Variants in SLC43A2 observed in about 807,000 individuals in gnomAD.
SLC43A2 encodes large neutral amino acids transporter small subunit 4.
A neutral mutation model predicts 63.2 loss-of-function variants in SLC43A2; 38 were observed. That is an observed-to-expected ratio of 0.60 (90% CI 0.46 to 0.79). The LOEUF (loss-of-function observed/expected upper bound fraction) is 0.79. Ranked by LOEUF, SLC43A2 falls within the 30% of genes least tolerant of loss-of-function variation. The pLI is 0.00. For missense variants in SLC43A2, 644 were observed against 756.2 expected, an observed-to-expected ratio of 0.85 and a Z score of 1.74; for synonymous variants, 322 against 331.0, an observed-to-expected ratio of 0.97 and a Z score of 0.30.
chr17:1,600,923 C>T (rs1905942981), intron 5 of SLC43A2, among the ~76,000 whole-genome samples: 1 of 151,308 alleles, frequency 6.6e-6, no homozygotes, highest in African/African-American at 2.4e-5. Flanking sequence ...TCAATGTTGA[C>T]AACTAACATT....
intron 10 of SLC43A2, 106 bp downstream of exon 10, chr17:1,585,807 T>C (rs2076092573): frequency 6.2e-7 from 1 of 1,603,362 alleles, no homozygotes; most frequent in Non-Finnish European, 8.5e-7. Context: ...CTGGAGTGCA[T>C]TGCTCTCTCC....
In SLC43A2 at chr17:1,591,566, G is replaced by C; in HGVS notation, c.728C>G (p.Ser243Trp). ...GCGGGACGGGGGCACCTCTACTTAC[G>C]AGTAGTCCATGTCCTCCGGCCCCGG... ...PFPGPEDMDY[S>W]VKIKFSWLGF... Residue 243 changes from serine to tryptophan, a missense_variant and splice_region_variant, in exon 7 of 14, where the codon TCG (serine) becomes TGG (tryptophan). Coordinates refer to ENST00000301335, the MANE Select transcript of SLC43A2 (RefSeq NM_152346.3). 6.4e-7 allele frequency: 1 copy of C among 1,553,580 alleles called. No homozygotes were observed. The highest frequency in any genetic ancestry group is 1.4e-5 in the African/African-American group (1 of 73,382).
At chr17:1,626,373 T>A (rs1222095523) in intron 2 of SLC43A2, among the ~76,000 whole-genome samples, 3 of 152,156 alleles carry the variant, frequency 2.0e-5, no homozygotes, top group Non-Finnish European at 2.9e-5. Context: ...GAACAAGGTC[T>A]GACTCTTCCC....
intron 10 of SLC43A2, chr17:1,585,570 G>A (rs920762639): frequency 8.3e-6 from 7 of 843,018 alleles, no homozygotes; most frequent in African/African-American, 3.6e-5. Context: ...TTGTAGAGAC[G>A]GGGAGTGGGG....
chr17:1,572,950 A>G lies in SLC43A2; in HGVS notation c.*2654T>C, dbSNP rs1245147558. 1 of 152,158 alleles carries G rather than the reference A, an allele frequency of 6.6e-6. No individual in the cohort carries two copies. Among genetic ancestry groups the G allele is most frequent in the Non-Finnish European group, 1.5e-5 (1 of 68,052 alleles). The allele number at this position is 152,158 out of a possible 1,614,324, so 9.4% of individuals were successfully genotyped here. On this transcript the variant is annotated 3_prime_UTR_variant, in exon 14 of 14. Transcript: ENST00000301335. ...CACTTTGGGAGGCTGAGGTGGGAGA[A>G]TTGCTTCAGCCCAGGAGTTCCAGAC...
chr17:1,607,480 G>A (rs918484474), intron 5 of SLC43A2, among the ~76,000 whole-genome samples: 3 of 152,138 alleles, frequency 2.0e-5, no homozygotes, highest in Non-Finnish European at 4.4e-5. Context: ...CAAGGAGCAG[G>A]CACTGGAGCC....
chr17:1,586,928 T>TGGGCGC, intron 9 of SLC43A2: 1 of 1,232,914 alleles, frequency 8.1e-7, no homozygotes, highest in African/African-American at 1.6e-5. Context: ...TCCCTGACAA[T>TGGGCGC]CCCCCCCACC....
At chr17:1,580,977 G>T in intron 11 of SLC43A2, among the ~76,000 whole-genome samples, 1 of 152,120 alleles carries the variant, frequency 6.6e-6, no homozygotes, top group Non-Finnish European at 1.5e-5. Context: ...GTCGCTGTCT[G>T]TGGGAGGCCC....
chr17:1,575,185 T>G lies in SLC43A2; in HGVS notation c.*419A>C. The G allele has an allele frequency of 3.6e-6, 1 of 276,988 alleles. No homozygotes were observed. Among genetic ancestry groups the G allele is most frequent in the South Asian group, 3.3e-5 (1 of 30,504 alleles). The allele number at this position is 276,988 out of a possible 1,614,324, so 17.2% of individuals were successfully genotyped here. A position where few individuals can be genotyped will look rare whatever the true frequency, so the allele number is the denominator to read the frequency against. On this transcript the variant is annotated 3_prime_UTR_variant, in exon 14 of 14. Coordinates refer to ENST00000301335, the MANE Select transcript of SLC43A2 (RefSeq NM_152346.3). Reference sequence around the variant, plus strand: ...AGGCGCGGGCGAGACAGTGCAAGCCTTTGTCCTCAGGCAGGTACGGCTGTG... The same window carrying G: ...AGGCGCGGGCGAGACAGTGCAAGCCGTTGTCCTCAGGCAGGTACGGCTGTG...
chr17:1,605,236 C>T lies in SLC43A2; in HGVS notation c.501+7959G>A, dbSNP rs1391349468. The stretch of plus-strand genomic sequence containing the variant: ...GTCACACAGGGAAGCCCGTGACTCT[C>T]TCTCTTTCAGCCCCCTGGCTGCAGC... On this transcript the variant is annotated intron_variant, in intron 5 of 13. Coordinates refer to ENST00000301335, the MANE Select transcript of SLC43A2 (RefSeq NM_152346.3). The surrounding 1 kb of genome is among the most constrained non-coding windows in gnomAD (Gnocchi z 4.9). 3 of 1,071,056 alleles carry T rather than the reference C, an allele frequency of 2.8e-6. No individual in the cohort carries two copies. The highest frequency in any genetic ancestry group is 3.4e-6 in the Non-Finnish European group (3 of 880,292). 66.3% of individuals were successfully genotyped at this position (1,071,056 alleles called of 1,614,324 possible).
At chr17:1,580,595 T>C (rs968415348) in intron 11 of SLC43A2, among the ~76,000 whole-genome samples, 2 of 152,184 alleles carry the variant, frequency 1.3e-5, no homozygotes, top group African/African-American at 4.8e-5. Context: ...ACGGTCTCGC[T>C]CTACACCCCA....
At chr17:1,582,124 G>A (rs990311498) in intron 11 of SLC43A2, among the ~76,000 whole-genome samples, 1 of 151,514 alleles carries the variant, frequency 6.6e-6, no homozygotes, top group Non-Finnish European at 1.5e-5. Context: ...CTGTCATCCA[G>A]GCTGGAGTGC....
At chr17:1,600,424 T>C (rs1431751843) in intron 5 of SLC43A2, among the ~76,000 whole-genome samples, 1 of 147,602 alleles carries the variant, frequency 6.8e-6, no homozygotes, top group Non-Finnish European at 1.5e-5. Flanking sequence ...ATGCTGGGAT[T>C]ACAGGTATGA....
chr17:1,617,084 C>T (rs1421643676), intron 2 of SLC43A2, among the ~76,000 whole-genome samples: 6 of 152,218 alleles, frequency 3.9e-5, no homozygotes, highest in South Asian at 2.1e-4. Flanking sequence ...TGAAGAGCAA[C>T]GAAGCCCAGG....
chr17:1,582,007 A>C (rs543522529), intron 11 of SLC43A2, among the ~76,000 whole-genome samples: 2 of 151,784 alleles, frequency 1.3e-5, no homozygotes, highest in South Asian at 4.2e-4. Flanking sequence ...GGGTTTCACC[A>C]TTTTGGATAG....
Position 1,573,230 on chromosome 17 carries a change from G to A in SLC43A2, c.*2374C>T, listed in dbSNP as rs1327402618. The A allele has an allele frequency of 2.0e-5, 3 of 151,052 alleles. No individual in the cohort carries two copies. The highest frequency in any genetic ancestry group is 4.4e-5 in the Non-Finnish European group (3 of 68,008). 9.4% of individuals were successfully genotyped at this position (151,052 alleles called of 1,614,324 possible). ...CCTTTTCCCAGCTGGCAGCACCCTG[G>A]CTAGTTAGGGTTTCTCCGAATCTGC... On this transcript the variant is annotated 3_prime_UTR_variant, in exon 14 of 14. Transcript: ENST00000301335.
At chr17:1,610,656 T>C (rs1907007053) in intron 5 of SLC43A2, among the ~76,000 whole-genome samples, 1 of 150,392 alleles carries the variant, frequency 6.6e-6, no homozygotes, top group African/African-American at 2.4e-5. Context: ...GGTGGGAGGA[T>C]CTGTTGAGCC....
At position 1,575,675 on chromosome 17, in the gene SLC43A2, G is replaced by A. The variant is rs1327631974; in HGVS notation, c.1639C>T (p.Gln547Ter). 1 of 1,613,560 alleles carries A rather than the reference G, an allele frequency of 6.2e-7. No homozygotes were observed. The change falls in exon 14 of 14, where the codon CAG (glutamine) becomes TAG (stop). Residue 547 changes from glutamine (Q) to a stop codon, truncating the protein, a stop_gained. Transcript: ENST00000301335. LOFTEE classifies it high-confidence loss of function. ...AGTTTGTCATCCTCCTGCCTCTGCT[G>A]CAGCTGCCGCTCCAGCTGGCGCCGG... ...CYRRQLERQL[Q>*]QRQEDDKLFL...
chr17:1,577,505 C>T lies in SLC43A2; in HGVS notation c.1424+745G>A, dbSNP rs2075952455. On this transcript the variant is annotated intron_variant, in intron 12 of 13. Transcript: ENST00000301335. This position sits in a 1 kb window ranked among gnomAD's most constrained non-coding sequence, Gnocchi z 4.9. ...CGGAGGGCAAGCGGAGCTGGGATTA[C>T]CCCAGGGGCTGTTGCGGGAATTGGG... Among the ~76,000 whole-genome samples the T allele has an allele frequency of 6.6e-6, 1 of 152,192 alleles. No homozygotes were observed. Among genetic ancestry groups the T allele is most frequent in the Non-Finnish European group, 1.5e-5 (1 of 68,038 alleles).
Sources: gnomAD v4.1 joint callset for allele counts (sites outside exome capture counted in the v4.1 genomes callset) on GRCh38, gnomAD v4.1.1 for gene constraint, Gnocchi (gnomAD v3.1) non-coding constraint, MANE v1.5 for transcripts, NCBI Gene and HGNC (gene_info 2026-07-23, HGNC 2026-07-21) for gene names.